Variants in KCNAB1 observed in about 807,000 individuals in gnomAD.
The protein encoded by KCNAB1 is voltage-gated potassium channel subunit beta-1.
In KCNAB1, 35 loss-of-function variants were observed where a neutral mutation model predicts 64.6. The ratio of observed to expected loss-of-function variants is 0.54; its 90% CI spans 0.41 to 0.72. The LOEUF is 0.72. Among genes scored for constraint, KCNAB1 ranks in the 30% least tolerant of loss-of-function variants. The pLI, the probability that KCNAB1 is intolerant of heterozygous loss-of-function variation, is 0.00. For missense variants in KCNAB1, 401 were observed against 512.9 expected, an observed-to-expected ratio of 0.78 and a Z score of 2.11; for synonymous variants, 177 against 183.8, an observed-to-expected ratio of 0.96 and a Z score of 0.30.
intron 2 of KCNAB1, among the ~76,000 whole-genome samples, chr3:156,425,257 T>G (rs1330491799): frequency 1.3e-5 from 2 of 152,204 alleles, no homozygotes; most frequent in Non-Finnish European, 2.9e-5. Flanking sequence ...AAAGTGATAG[T>G]TAAAGCTAAC....
intron 1 of KCNAB1, among the ~76,000 whole-genome samples, chr3:156,388,541 G>A (rs1712789359): frequency 6.6e-6 from 1 of 152,226 alleles, no homozygotes; most frequent in African/African-American, 2.4e-5. Flanking sequence ...TTCTTGGGAA[G>A]TTCTGGTGTG....
At position 156,367,910 on chromosome 3, in the gene KCNAB1, C is replaced by T. The variant is rs906996057; in HGVS notation, c.276-53706C>T. Among the ~76,000 whole-genome samples the T allele has an allele frequency of 5.3e-5, 8 of 152,288 alleles. No individual in the cohort carries two copies. In the East Asian group the frequency reaches 1.4e-3, roughly 26 times the overall value. ...CAGAATTTCCCTACAGGATCTCCTT[C>T]CCTATCCCAAACTCCAAACAAACAA... On this transcript the variant is annotated intron_variant, in intron 1 of 13. Coordinates refer to ENST00000490337, the MANE Select transcript of KCNAB1 (RefSeq NM_172160.3).
At chr3:156,194,735 C>A (rs1241493933) in intron 1 of KCNAB1, among the ~76,000 whole-genome samples, 5 of 152,102 alleles carry the variant, frequency 3.3e-5, no homozygotes, top group Admixed American at 2.0e-4. Flanking sequence ...TTATCCAACA[C>A]CTCGCTTATG....
chr3:156,165,401 T>C (rs956909050), intron 1 of KCNAB1, among the ~76,000 whole-genome samples: 1 of 149,570 alleles, frequency 6.7e-6, no homozygotes, highest in African/African-American at 2.5e-5. Flanking sequence ...CCCAGGCCTG[T>C]GATATTGTGT....
At chr3:156,531,850 C>T (rs1216745923) in intron 13 of KCNAB1, among the ~76,000 whole-genome samples, 1 of 152,174 alleles carries the variant, frequency 6.6e-6, no homozygotes, top group Non-Finnish European at 1.5e-5. Context: ...TTGTTCTTTC[C>T]ACAAATATTG....
chr3:156,249,363 G>C (rs1717672123), intron 1 of KCNAB1, among the ~76,000 whole-genome samples: 1 of 152,004 alleles, frequency 6.6e-6, no homozygotes, highest in South Asian at 2.1e-4. Flanking sequence ...AGGAGTTCGA[G>C]ATCAGCCTGG....
intron 2 of KCNAB1, among the ~76,000 whole-genome samples, chr3:156,434,924 A>G (rs1716485744): frequency 6.6e-6 from 1 of 152,198 alleles, no homozygotes; most frequent in Non-Finnish European, 1.5e-5. Flanking sequence ...GTTCTCTTTG[A>G]AGCAGGCTCT....
intron 1 of KCNAB1, among the ~76,000 whole-genome samples, chr3:156,189,575 C>A (rs1323072079): frequency 1.3e-5 from 2 of 152,122 alleles, no homozygotes; most frequent in South Asian, 4.1e-4. Context: ...TGCTTCTTGC[C>A]TTTTCTAATC....
intron 1 of KCNAB1, among the ~76,000 whole-genome samples, chr3:156,169,305 A>G (rs962039618): frequency 6.6e-5 from 10 of 152,214 alleles, no homozygotes; most frequent in African/African-American, 2.4e-4. Flanking sequence ...TGGCAAAATA[A>G]TGAGTTGAAA....
intron 1 of KCNAB1, among the ~76,000 whole-genome samples, chr3:156,308,798 G>T (rs908497844): frequency 7.9e-5 from 12 of 152,176 alleles, no homozygotes; most frequent in Non-Finnish European, 1.8e-4. Context: ...GTTAATGTTA[G>T]AAAGCATCAG....
chr3:156,343,759 C>T (rs1724294939), intron 1 of KCNAB1, among the ~76,000 whole-genome samples: 1 of 152,124 alleles, frequency 6.6e-6, no homozygotes, highest in African/African-American at 2.4e-5. Context: ...CATAAAGAGC[C>T]TACTTCTTTA....
chr3:156,455,208 T>G lies in KCNAB1; in HGVS notation c.358-2245T>G, dbSNP rs553897410. Among the ~76,000 whole-genome samples the G allele has an allele frequency of 9.8e-5, 15 of 152,344 alleles. No individual in the cohort carries two copies. In the East Asian group the frequency reaches 1.9e-3, roughly 20 times the overall value. On this transcript the variant is annotated intron_variant, in intron 3 of 13. Coordinates refer to ENST00000490337, the MANE Select transcript of KCNAB1 (RefSeq NM_172160.3). ...GCAGTGAGTTCACCTACCTCGATTT[T>G]CCTGCTTTCTCTCTGGCGTCAAATA...
intron 2 of KCNAB1, among the ~76,000 whole-genome samples, chr3:156,431,379 T>C (rs537643135): frequency 6.6e-6 from 1 of 152,280 alleles, no homozygotes; most frequent in Non-Finnish European, 1.5e-5. Context: ...ATTAAGCTTA[T>C]CTAACAGTAA....
Position 156,390,289 on chromosome 3 carries a change from G to C in KCNAB1, c.276-31327G>C, listed in dbSNP as rs1247534926. 3.3e-5 allele frequency among the ~76,000 whole-genome samples: 5 copies of C among 152,194 alleles called. No individual in the cohort carries two copies. In the East Asian group the frequency reaches 7.7e-4, roughly 23 times the overall value. ...CAGGAATGGAGAGGCAGGAATGCCT[G>C]GGTGTCGGTTGTGTAGAGAAGAGGC... On this transcript the variant is annotated intron_variant, in intron 1 of 13. Transcript: ENST00000490337.
intron 1 of KCNAB1, among the ~76,000 whole-genome samples, chr3:156,200,021 TG>T (rs1338678009): frequency 2.6e-5 from 4 of 152,204 alleles, no homozygotes; most frequent in Admixed American, 6.5e-5. Context: ...GCATCATTTT[TG>T]TTGATGCTGA....
intron 8 of KCNAB1, among the ~76,000 whole-genome samples, chr3:156,479,752 G>A (rs1714650918): frequency 6.6e-6 from 1 of 152,050 alleles, no homozygotes; most frequent in Non-Finnish European, 1.5e-5. Flanking sequence ...TTTCCATGCT[G>A]ATAACGGTTC....
intron 1 of KCNAB1, among the ~76,000 whole-genome samples, chr3:156,298,806 A>G (rs1720963659): frequency 6.6e-6 from 1 of 152,244 alleles, no homozygotes; most frequent in Admixed American, 6.5e-5. Flanking sequence ...TAGGCATCAT[A>G]AGAAGATTCG....
upstream of KCNAB1, chr3:156,120,573 A>G (rs781539401): frequency 1.9e-6 from 3 of 1,610,882 alleles, no homozygotes; most frequent in Admixed American, 1.7e-5. Context: ...GATTACTTTG[A>G]TGACAGTGAC....
chr3:156,476,396 G>A (rs929348363), intron 8 of KCNAB1, among the ~76,000 whole-genome samples: 7 of 151,968 alleles, frequency 4.6e-5, no homozygotes, highest in African/African-American at 1.2e-4. Flanking sequence ...AACACACAAC[G>A]TTTGGTTTCC....
Sources: allele counts gnomAD v4.1 joint callset (sites outside exome capture counted in the v4.1 genomes callset), GRCh38; gene constraint gnomAD v4.1.1; transcripts MANE v1.5; gene names NCBI Gene and HGNC (gene_info 2026-07-23, HGNC 2026-07-21).